The following RPL22 variants were observed in gnomAD, a reference collection of about 807,000 sequenced individuals.
RPL22 encodes the protein ribosomal protein L22.
RPL22 carries 4 observed loss-of-function variants against 16.2 expected under a neutral mutation model. The observed-to-expected ratio is 0.25, with a 90% CI of 0.12 to 0.57. The LOEUF is 0.57. Among genes scored for constraint, RPL22 ranks in the 20% least tolerant of loss-of-function variants. RPL22 has a pLI of 0.92. For missense variants in RPL22, 83 were observed against 156.1 expected (o/e 0.53, Z 2.49); for synonymous variants, 43 against 54.8 (o/e 0.78, Z 0.95).
chr1:6,192,387 G>A (rs1667663334), intron 3 of RPL22, among the ~76,000 whole-genome samples: 1 of 152,196 alleles, frequency 6.6e-6, no homozygotes, highest in African/African-American at 2.4e-5. Flanking sequence ...GCAAGTCTGA[G>A]TACCTTACTG....
Position 6,195,814 on chromosome 1 carries a change from G to C in RPL22, c.117+1838C>G, listed in dbSNP as rs140554216. On this transcript the variant is annotated intron_variant, in intron 2 of 3. Transcript: ENST00000234875. Reference sequence around the variant, plus strand: ...GCAGTGGCTCATGCCTGTAATCCCAGCACTTTGGGAGGCCGAGGTGGGTGG... The same window carrying C: ...GCAGTGGCTCATGCCTGTAATCCCACCACTTTGGGAGGCCGAGGTGGGTGG... Among the ~76,000 whole-genome samples the C allele has an allele frequency of 5.4e-3, 821 of 151,042 alleles. 3 individuals are homozygous for C. Among genetic ancestry groups the C allele is most frequent in the African/African-American group, 0.019 (785 of 41,134 alleles).
Position 6,186,482 on chromosome 1 carries a change from T to C in RPL22, c.*190A>G, listed in dbSNP as rs575345575. ...TTCTACTCTGGTATTACCACGAGAA[T>C]TGAAATTTTTAAGCAGAAAAAAAAA... On this transcript the variant is annotated 3_prime_UTR_variant, in exon 4 of 4. Transcript: ENST00000234875. The C allele has an allele frequency of 3.8e-5, 18 of 471,148 alleles. No individual in the cohort carries two copies. The highest frequency in any genetic ancestry group is 1.5e-4 in the East Asian group (4 of 26,558). 29.2% of individuals were successfully genotyped at this position (471,148 alleles called of 1,614,324 possible).
At chr1:6,190,963 C>G (rs1033827019) in intron 3 of RPL22, among the ~76,000 whole-genome samples, 11 of 152,172 alleles carry the variant, frequency 7.2e-5, no homozygotes, top group Non-Finnish European at 1.5e-4. Context: ...TGGTTCATGC[C>G]TGTAATCCCA....
intron 2 of RPL22, among the ~76,000 whole-genome samples, chr1:6,194,747 G>C (rs1357067597): frequency 6.6e-6 from 1 of 152,122 alleles, no homozygotes; most frequent in Non-Finnish European, 1.5e-5. Flanking sequence ...AATTAGCTAG[G>C]TATGGTGGTG....
intron 1 of RPL22, 27 bp downstream of exon 1, chr1:6,199,535 C>T (rs768957960): frequency 1.9e-6 from 3 of 1,556,604 alleles, no homozygotes; most frequent in South Asian, 2.4e-5. Flanking sequence ...CCCCTGGAGC[C>T]GAGGCCTCAC....
intron 2 of RPL22, among the ~76,000 whole-genome samples, chr1:6,194,225 A>G (rs896025449): frequency 6.6e-6 from 1 of 152,172 alleles, no homozygotes; most frequent in Admixed American, 6.5e-5. Flanking sequence ...AAATAAAACA[A>G]ACTTTTACAA....
chr1:6,195,979 C>T (rs1667710772), intron 2 of RPL22, among the ~76,000 whole-genome samples: 1 of 152,060 alleles, frequency 6.6e-6, no homozygotes, highest in Non-Finnish European at 1.5e-5. Flanking sequence ...ACCAGAATGG[C>T]TTGAACCAGG....
chr1:6,192,840 T>TA, intron 3 of RPL22, 90 bp downstream of exon 3: 1 of 1,495,876 alleles, frequency 6.7e-7, no homozygotes, highest in African/African-American at 1.4e-5. Context: ...TGCAAACCAA[T>TA]CACTCTGCGG....
chr1:6,192,933 T>C lies in RPL22; in HGVS notation c.239A>G (p.Lys80Arg). ...ITVTSEVPFS[K>R]RYLKYLTKKY... ...CACACACACTTCCCTCCTGTACCTTTTGGAGAAAGGCACCTCGGATGTCAC... is the reference window on the plus strand; with the variant it reads ...CACACACACTTCCCTCCTGTACCTTCTGGAGAAAGGCACCTCGGATGTCAC... The change falls in exon 3 of 4, where the codon AAA (lysine) becomes AGA (arginine). Residue 80 changes from lysine (K) to arginine (R), a missense_variant. Lys to Arg is a conservative substitution (Grantham distance 26). Coordinates refer to ENST00000234875, the MANE Select transcript of RPL22 (RefSeq NM_000983.4). 1 of 1,612,842 alleles carries C rather than the reference T, an allele frequency of 6.2e-7. No individual in the cohort carries two copies. Among genetic ancestry groups the C allele is most frequent in the Non-Finnish European group, 8.5e-7 (1 of 1,179,938 alleles).
At chr1:6,199,193 C>T (rs1004092793) in intron 1 of RPL22, 2 of 258,728 alleles carry the variant, frequency 7.7e-6, no homozygotes, top group Admixed American at 5.5e-5. Context: ...GAATGCGCGG[C>T]TCCCCAGGGT....
intron 2 of RPL22, among the ~76,000 whole-genome samples, chr1:6,196,557 G>A (rs1667720509): frequency 6.6e-6 from 1 of 152,140 alleles, no homozygotes. Flanking sequence ...ACCTTCTGGA[G>A]AATTTAGAGC....
chr1:6,188,619 C>G (rs1056344254), intron 3 of RPL22, among the ~76,000 whole-genome samples: 17 of 151,804 alleles, frequency 1.1e-4, no homozygotes, highest in Non-Finnish European at 2.2e-4. Context: ...GGCCCTGAGG[C>G]TATTCCGAAT....
intron 2 of RPL22, among the ~76,000 whole-genome samples, chr1:6,193,529 G>A (rs1667678716): frequency 6.6e-6 from 1 of 152,004 alleles, no homozygotes; most frequent in South Asian, 2.1e-4. Context: ...CTCCACGTTG[G>A]TCATGCTGGT....
At position 6,185,772 on chromosome 1, in the gene RPL22, CACT is replaced by C. The variant is rs2100899679; in HGVS notation, c.*897_*899del. On this transcript the variant is annotated 3_prime_UTR_variant, in exon 4 of 4. Coordinates refer to ENST00000234875, the MANE Select transcript of RPL22 (RefSeq NM_000983.4). ...GTCTAGCCTCTGCACTGTGGCACACCACTGACATTAAATCCAGTCATGGCCTAA... is the reference window on the plus strand; with the variant it reads ...GTCTAGCCTCTGCACTGTGGCACACCGACATTAAATCCAGTCATGGCCTAA... 4.2e-6 allele frequency: 1 copy of C among 236,712 alleles called. No individual in the cohort carries two copies. Among genetic ancestry groups the C allele is most frequent in the South Asian group, 1.8e-4 (1 of 5,544 alleles). The allele number at this position is 236,712 out of a possible 1,614,324, so 14.7% of individuals were successfully genotyped here.
Position 6,197,661 on chromosome 1 carries a change from A to C in RPL22, c.108T>G (p.Ala36=). The change falls in exon 2 of 4, where the codon GCT becomes GCG. Residue 36 remains alanine, a synonymous_variant. Coordinates refer to ENST00000234875, the MANE Select transcript of RPL22 (RefSeq NM_000983.4). ...THPVEDGIMD[A]ANFEQFLQER... The stretch of plus-strand genomic sequence containing the variant: ...TAAGGATGTAACTTACAAAATTGGC[A>C]GCATCCATGATTCCATCTTCTACAG... 1 of 1,610,424 alleles carries C rather than the reference A, an allele frequency of 6.2e-7. No homozygotes were observed. Among genetic ancestry groups the C allele is most frequent in the African/African-American group, 1.3e-5 (1 of 74,974 alleles).
intron 3 of RPL22, among the ~76,000 whole-genome samples, chr1:6,187,529 G>A (rs1439191840): frequency 6.8e-6 from 1 of 147,570 alleles, no homozygotes; most frequent in Non-Finnish European, 1.5e-5. Flanking sequence ...TAAGAGAATC[G>A]CTTGAACCCG....
chr1:6,197,729 T>C lies in RPL22; in HGVS notation c.40A>G (p.Lys14Glu), dbSNP rs756865761. 6.2e-7 allele frequency: 1 copy of C among 1,613,826 alleles called. No homozygotes were observed. The highest frequency in any genetic ancestry group is 8.5e-7 in the Non-Finnish European group (1 of 1,179,848). The change falls in exon 2 of 4, where the codon AAA becomes GAA. Residue 14 changes from lysine to glutamate, a missense_variant. By Grantham distance (56) the Lys-to-Glu change is moderately conservative. Transcript: ENST00000234875. Reference sequence around the variant, plus strand: ...GTGAACTTCAGAACTTGCTTCTTTTTTTTGCCCCCCTTCACCACAAGCTTT... The same window carrying C: ...GTGAACTTCAGAACTTGCTTCTTTTCTTTGCCCCCCTTCACCACAAGCTTT... ...VKKLVVKGGK[K>E]KKQVLKFTLD...
chr1:6,197,518 C>T, intron 2 of RPL22, 134 bp downstream of exon 2: 1 of 627,234 alleles, frequency 1.6e-6, no homozygotes. Context: ...GCCCACATTC[C>T]CAGGGTGAGA....
intron 2 of RPL22, among the ~76,000 whole-genome samples, chr1:6,196,073 A>C (rs949475550): frequency 6.6e-6 from 1 of 152,232 alleles, no homozygotes; most frequent in African/African-American, 2.4e-5. Context: ...CAAAAAACAA[A>C]GTAAATAAAA....
Sources: allele counts gnomAD v4.1 joint callset (sites outside exome capture counted in the v4.1 genomes callset), GRCh38; gene constraint gnomAD v4.1.1; transcripts MANE v1.5; gene names NCBI Gene and HGNC (gene_info 2026-07-23, HGNC 2026-07-21).